ZNF850: variants seen among roughly 807,000 people sequenced by gnomAD.
ZNF850 encodes zinc finger protein 850, also known as putative zinc finger protein ENSP00000330994.
ZNF850 carries 2 observed loss-of-function variants against 11.9 expected under a neutral mutation model. That is an observed-to-expected ratio of 0.17 (90% confidence interval 0.07 to 0.53). ZNF850 has a LOEUF of 0.53. Among genes scored for constraint, ZNF850 ranks in the 20% least tolerant of loss-of-function variants. The probability of loss-of-function intolerance (pLI) is 0.94; values close to 1 mark genes in which losing one functional copy is unlikely to be tolerated. For synonymous variants in ZNF850, 381 were observed against 443.0 expected, an observed-to-expected ratio of 0.86 and a Z score of 1.76; for missense variants, 1,014 against 1,316.4, an observed-to-expected ratio of 0.77 and a Z score of 3.55.
chr19:36,770,176 CAGCTCTCTGGA>C (rs151029709), intron 1 of ZNF850, among the ~76,000 whole-genome samples: 268 of 152,292 alleles, frequency 1.8e-3, no homozygotes, highest in Non-Finnish European at 3.2e-3. Context: ...ACCATGTGTT[CAGCTCTCTGGA>C]AGCTCTCTGA....
chr19:36,764,737 T>G (rs2040539687), intron 1 of ZNF850, among the ~76,000 whole-genome samples: 1 of 149,996 alleles, frequency 6.7e-6, no homozygotes, highest in South Asian at 2.1e-4. Context: ...TTTTTTTTTT[T>G]TTTTTTTTTG....
intron 4 of ZNF850, among the ~76,000 whole-genome samples, chr19:36,753,421 T>TGAAAAAAA (rs1568735232): frequency 2.6e-4 from 2 of 7,700 alleles, no homozygotes; most frequent in Admixed American, 1.1e-3. Flanking sequence ...GGACACTGTC[T>TGAAAAAAA]CAAAAAAAAA....
Position 36,751,057 on chromosome 19 carries a change from C to T in ZNF850, c.236-253G>A, listed in dbSNP as rs578137256. Among the ~76,000 whole-genome samples, 7 of 133,676 alleles carry T rather than the reference C, an allele frequency of 5.2e-5. 1 individual carries two copies. In the East Asian group the frequency reaches 1.3e-3, roughly 24 times the overall value. 87.7% of individuals were successfully genotyped at this position (133,676 alleles called of 152,430 possible). Reference sequence around the variant, plus strand: ...CTCCAGCCTGGGCCACAGAGCAAGACCCTGTCTTAAAAAAAAAAAAAAAAA... The same window carrying T: ...CTCCAGCCTGGGCCACAGAGCAAGATCCTGTCTTAAAAAAAAAAAAAAAAA... On this transcript the variant is annotated intron_variant, in intron 4 of 4. Transcript: ENST00000591344.
chr19:36,755,176 A>G (rs2040478190), intron 4 of ZNF850, among the ~76,000 whole-genome samples: 1 of 152,202 alleles, frequency 6.6e-6, no homozygotes, highest in East Asian at 1.9e-4. Flanking sequence ...TTTAAATGCA[A>G]AACATTTACA....
At chr19:36,770,111 G>A (rs2040572240) in intron 1 of ZNF850, among the ~76,000 whole-genome samples, 1 of 152,198 alleles carries the variant, frequency 6.6e-6, no homozygotes, top group South Asian at 2.1e-4. Flanking sequence ...GGCGAGGTAT[G>A]GGGCAAGGGG....
At chr19:36,760,355 G>A (rs532585777) in intron 4 of ZNF850, among the ~76,000 whole-genome samples, 11 of 152,242 alleles carry the variant, frequency 7.2e-5, no homozygotes, top group Admixed American at 2.6e-4. Context: ...GCTGTGGCAC[G>A]AGAATTGCTT....
intron 1 of ZNF850, among the ~76,000 whole-genome samples, chr19:36,764,134 A>G (rs1275312387): frequency 1.3e-5 from 2 of 152,090 alleles, no homozygotes; most frequent in Non-Finnish European, 2.9e-5. Context: ...AGTCCCAGCT[A>G]CTCGGGAGGC....
In ZNF850 at chr19:36,746,535, A is replaced by C. The variant is rs959746508; in HGVS notation, c.*1232T>G. The C allele has an allele frequency of 2.6e-5, 4 of 152,070 alleles. No individual in the cohort carries two copies. Among genetic ancestry groups the C allele is most frequent in the Non-Finnish European group, 4.4e-5 (3 of 68,070 alleles). 9.4% of individuals were successfully genotyped at this position (152,070 alleles called of 1,614,324 possible). On this transcript the variant is annotated 3_prime_UTR_variant, in exon 5 of 5. Transcript: ENST00000591344. ...CTGGCTGATTTTGTATTTTTAGTAG[A>C]GATGGGGTTTCAACATGTTGGCCAG...
At chr19:36,765,160 C>G (rs1431312262) in intron 1 of ZNF850, among the ~76,000 whole-genome samples, 1 of 152,204 alleles carries the variant, frequency 6.6e-6, no homozygotes, top group Non-Finnish European at 1.5e-5. Flanking sequence ...CTAGCTGTCT[C>G]TGATTCCCAA....
At chr19:36,752,888 A>G (rs2040461571) in intron 4 of ZNF850, among the ~76,000 whole-genome samples, 1 of 152,214 alleles carries the variant, frequency 6.6e-6, no homozygotes, top group Non-Finnish European at 1.5e-5. Context: ...ACTATATTCA[A>G]GATGGAACAG....
chr19:36,754,210 A>C (rs2040471808), intron 4 of ZNF850, among the ~76,000 whole-genome samples: 1 of 151,850 alleles, frequency 6.6e-6, no homozygotes, highest in East Asian at 1.9e-4. Flanking sequence ...ATCACTAATT[A>C]TAAGGAATGT....
Position 36,746,324 on chromosome 19 carries a change from C to T in ZNF850, c.*1443G>A, listed in dbSNP as rs2145952208. 6.6e-6 allele frequency: 1 copy of T among 152,298 alleles called. No homozygotes were observed. The highest frequency in any genetic ancestry group is 2.1e-4 in the South Asian group (1 of 4,826). 9.4% of individuals were successfully genotyped at this position (152,298 alleles called of 1,614,324 possible). A position where few individuals can be genotyped will look rare whatever the true frequency, so the allele number is the denominator to read the frequency against. On this transcript the variant is annotated 3_prime_UTR_variant, in exon 5 of 5. Transcript: ENST00000591344. The stretch of plus-strand genomic sequence containing the variant: ...GTTTTAGGGCATCACAAACTGTGTC[C>T]ATATAAGACAGCAAACTTAATTGAT...
intron 4 of ZNF850, among the ~76,000 whole-genome samples, chr19:36,756,426 T>A (rs776530129): frequency 3.3e-4 from 51 of 152,244 alleles, no homozygotes; most frequent in Non-Finnish European, 6.5e-4. Context: ...TCATATGTGA[T>A]GTATGTGTAT....
At chr19:36,758,704 C>T (rs1267582103) in intron 4 of ZNF850, among the ~76,000 whole-genome samples, 1 of 152,132 alleles carries the variant, frequency 6.6e-6, no homozygotes, top group Non-Finnish European at 1.5e-5. Flanking sequence ...TAACCAGCTA[C>T]GAATACTTGT....
At chr19:36,751,698 CAAAAAAAAA>C (rs398038336) in intron 4 of ZNF850, among the ~76,000 whole-genome samples, 9 of 15,764 alleles carry the variant, frequency 5.7e-4, no homozygotes, top group African/African-American at 2.1e-3. Context: ...GACTCCATCT[CAAAAAAAAA>C]AAAAAAAAAA....
rs1330827432 is a variant in ZNF850 at position 36,762,327 on chromosome 19, G to A, written c.117C>T (p.Asn39=). 4 of 1,580,954 alleles carry A rather than the reference G, an allele frequency of 2.5e-6. No homozygotes were observed. In the South Asian group the frequency reaches 4.5e-5, roughly 18 times the overall value. The stretch of plus-strand genomic sequence containing the variant: ...TACCTAGTGAGACCAGGCTGCTGTA[G>A]TTCTCCATCATTACATCTCTGTATA... ...KDLYRDVMME[N]YSSLVSLGLS... Residue 39 remains asparagine, a synonymous_variant, in exon 3 of 5, where the codon AAC becomes AAT. Transcript: ENST00000591344.
rs1308810710 is a variant in ZNF850 at position 36,750,390 on chromosome 19, C to A, written c.650G>T (p.Arg217Ile). Residue 217 changes from arginine (R) to isoleucine (I), a missense_variant, in exon 5 of 5, where the codon AGA (arginine) becomes ATA (isoleucine). By Grantham distance (97) the Arg-to-Ile change is moderately conservative. Transcript: ENST00000591344. Reference sequence around the variant, plus strand: ...ACAGGGCTTTTCCCCAGTATGAATTCTCTGATGTTTAACAAGATAGGAAAA... The same window carrying A: ...ACAGGGCTTTTCCCCAGTATGAATTATCTGATGTTTAACAAGATAGGAAAA... The part of the protein sequence containing the change: ...HHFSYLVKHQ[R>I]IHTGEKPCAC... 2 of 1,536,410 alleles carry A rather than the reference C, an allele frequency of 1.3e-6. No individual in the cohort carries two copies. Among genetic ancestry groups the A allele is most frequent in the African/African-American group, 1.4e-5 (1 of 72,998 alleles).
intron 1 of ZNF850, among the ~76,000 whole-genome samples, chr19:36,770,474 A>G (rs1568321362): frequency 6.6e-6 from 1 of 152,086 alleles, no homozygotes; most frequent in Non-Finnish European, 1.5e-5. Context: ...CGAGGCAGGC[A>G]GATCACCTGA....
chr19:36,765,678 G>A (rs1242667753), intron 1 of ZNF850, among the ~76,000 whole-genome samples: 1 of 148,426 alleles, frequency 6.7e-6, no homozygotes, highest in Non-Finnish European at 1.5e-5. Context: ...TCCTCCTCCT[G>A]GATTCAAGCG....
Sources: gnomAD v4.1 joint callset for allele counts (sites outside exome capture counted in the v4.1 genomes callset) on GRCh38, gnomAD v4.1.1 for gene constraint, MANE v1.5 for transcripts, NCBI Gene and HGNC (gene_info 2026-07-23, HGNC 2026-07-21) for gene names.